LARGE1: variants seen among roughly 807,000 people sequenced by gnomAD.
LARGE1 encodes xylosyl- and glucuronyltransferase LARGE1.
LARGE1 carries 43 observed loss-of-function variants against 87.6 expected under a neutral mutation model. The ratio of observed to expected loss-of-function variants is 0.49; its 90% CI spans 0.38 to 0.63. The LOEUF (loss-of-function observed/expected upper bound fraction) is 0.63. Ranked by LOEUF, LARGE1 falls within the 30% of genes least tolerant of loss-of-function variation. The probability of loss-of-function intolerance (pLI) is 0.00; values close to 1 mark genes in which losing one functional copy is unlikely to be tolerated. For missense variants in LARGE1, 802 were observed against 1,000.2 expected, an observed-to-expected ratio of 0.80 and a Z score of 2.67; for synonymous variants, 434 against 394.6, an observed-to-expected ratio of 1.10 and a Z score of -1.18.
chr22:33,840,739 C>T (rs377234186), intron 1 of LARGE1, among the ~76,000 whole-genome samples: 7 of 152,062 alleles, frequency 4.6e-5, no homozygotes, highest in African/African-American at 9.6e-5. Context: ...GGCGTGATCA[C>T]GGCTCACTGC....
the LARGE1 span, among the ~76,000 whole-genome samples, chr22:33,074,522 A>G: frequency 6.6e-6 from 1 of 152,008 alleles, no homozygotes; most frequent in Non-Finnish European, 1.5e-5. Context: ...TAAAAATACA[A>G]AAATTAGCCA....
At chr22:33,626,114 C>T (rs1465040657) in intron 4 of LARGE1, 130 bp downstream of exon 4, 1 of 777,440 alleles carries the variant, frequency 1.3e-6, no homozygotes, top group Admixed American at 2.0e-5. Context: ...GGGTTTCAGA[C>T]AAAAATTACA....
Position 33,751,452 on chromosome 22 carries a change from T to C in LARGE1, c.106+9919A>G, listed in dbSNP as rs370830081. On this transcript the variant is annotated intron_variant, in intron 2 of 14. Transcript: ENST00000397394. ...GTGAGCAAAGATTGTGCCACTGCGC[T>C]CCAGCCTGGGAGACAGATTGAGACT... 4.7e-5 allele frequency among the ~76,000 whole-genome samples: 7 copies of C among 149,702 alleles called. No homozygotes were observed. The East Asian group carries it at 9.9e-4, about 21-fold the overall frequency.
chr22:33,202,147 C>T lies in LARGE1; in HGVS notation c.1731-35315G>A, dbSNP rs151319821. 3.4e-3 allele frequency among the ~76,000 whole-genome samples: 510 copies of T among 151,576 alleles called. 10 individuals carry two copies. Among genetic ancestry groups the T allele is most frequent in the Admixed American group, 0.031 (472 of 15,218 alleles). On this transcript the variant is annotated intron_variant, in intron 11 of 11. Coordinates refer to the LARGE1 transcript ENST00000608642. ...TCATTCTGGCTGCTGTGCTGAGAAA[C>T]GTAACAATTGTTATTATATTAAGAG...
chr22:33,856,217 C>T (rs2063751143), intron 1 of LARGE1, among the ~76,000 whole-genome samples: 1 of 152,180 alleles, frequency 6.6e-6, no homozygotes, highest in Non-Finnish European at 1.5e-5. Context: ...TGTGGCCATA[C>T]CCGGACCAGT....
intron 3 of LARGE1, among the ~76,000 whole-genome samples, chr22:33,634,188 A>T (rs189509256): frequency 3.2e-4 from 48 of 152,332 alleles, no homozygotes; most frequent in Admixed American, 9.1e-4. Context: ...TGGGGGACAT[A>T]ATCTTAAAGT....
At chr22:33,447,939 G>A (rs557050925) in intron 6 of LARGE1, among the ~76,000 whole-genome samples, 162 of 152,284 alleles carry the variant, frequency 1.1e-3, no homozygotes, top group African/African-American at 3.6e-3. Context: ...CCACCTGGAT[G>A]AACCTTGGAA....
chr22:33,350,387 C>T (rs143358629), intron 9 of LARGE1, among the ~76,000 whole-genome samples: 69 of 152,292 alleles, frequency 4.5e-4, no homozygotes, highest in African/African-American at 1.3e-3. Context: ...ATAACCAGCC[C>T]GTATTCTTCC....
chr22:33,427,144 G>A (rs1601799440), intron 7 of LARGE1, among the ~76,000 whole-genome samples: 1 of 152,206 alleles, frequency 6.6e-6, no homozygotes, highest in African/African-American at 2.4e-5. Context: ...TGTTTTCTAA[G>A]TCCTGCTCAC....
chr22:33,866,373 A>T (rs2064104026), intron 1 of LARGE1, among the ~76,000 whole-genome samples: 1 of 152,220 alleles, frequency 6.6e-6, no homozygotes, highest in Non-Finnish European at 1.5e-5. Context: ...TTAAAAATTC[A>T]GTTCCTCAGT....
rs1032570112 is a variant in LARGE1, at chr22:33,694,827, T to A, written c.107-44159A>T. Reference sequence around the variant, plus strand: ...TGAACCTTATCTAAAAGATGACTAGTGGTCGTGTTTGCATGCCAGCACTGA... The same window carrying A: ...TGAACCTTATCTAAAAGATGACTAGAGGTCGTGTTTGCATGCCAGCACTGA... On this transcript the variant is annotated intron_variant, in intron 2 of 14. Transcript: ENST00000397394. Among the ~76,000 whole-genome samples the A allele has an allele frequency of 2.6e-5, 4 of 152,312 alleles. No homozygotes were observed. The South Asian group carries it at 8.3e-4, about 32-fold the overall frequency.
rs551814826 is a variant in LARGE1, at chr22:33,510,921, T to C, written c.787+53927A>G. ...TTTTGGTTCTGAAGTCCGTGCTACATGCCCCAGGCTCTCCAATGACTGGCA... is the reference window on the plus strand; with the variant it reads ...TTTTGGTTCTGAAGTCCGTGCTACACGCCCCAGGCTCTCCAATGACTGGCA... On this transcript the variant is annotated intron_variant, in intron 6 of 14. Coordinates refer to ENST00000397394, the MANE Select transcript of LARGE1 (RefSeq NM_133642.5). 3.9e-5 allele frequency among the ~76,000 whole-genome samples: 6 copies of C among 152,334 alleles called. No homozygotes were observed. In the East Asian group the frequency reaches 9.6e-4, roughly 24 times the overall value.
At chr22:33,828,439 G>C (rs529152209) in intron 1 of LARGE1, among the ~76,000 whole-genome samples, 2 of 152,334 alleles carry the variant, frequency 1.3e-5, no homozygotes, top group African/African-American at 4.8e-5. Flanking sequence ...ATAGAAGAAA[G>C]GTGCTTAGAT....
At chr22:33,584,912 T>C (rs2078625833) in intron 5 of LARGE1, among the ~76,000 whole-genome samples, 1 of 151,764 alleles carries the variant, frequency 6.6e-6, no homozygotes, top group African/African-American at 2.4e-5. Context: ...AGGTCGGGAG[T>C]TTGAGACCAG....
chr22:33,541,204 A>AG (rs1016191779), intron 6 of LARGE1, among the ~76,000 whole-genome samples: 9 of 150,162 alleles, frequency 6.0e-5, no homozygotes, highest in African/African-American at 2.2e-4. Context: ...AAAAAAAGAA[A>AG]AAAAAAAAAA....
chr22:33,152,863 T>A, the LARGE1 span, among the ~76,000 whole-genome samples: 2 of 152,166 alleles, frequency 1.3e-5, no homozygotes, highest in Non-Finnish European at 2.9e-5. Context: ...GTTTTTTATT[T>A]TGTTATTATT....
intron 9 of LARGE1, among the ~76,000 whole-genome samples, chr22:33,342,466 G>A (rs913908073): frequency 5.9e-5 from 9 of 152,192 alleles, no homozygotes; most frequent in African/African-American, 2.2e-4. Flanking sequence ...TGACTTGCCT[G>A]TATCTCACAG....
intron 9 of LARGE1, among the ~76,000 whole-genome samples, chr22:33,347,039 GCT>G (rs1939845661): frequency 6.6e-6 from 1 of 152,180 alleles, no homozygotes; most frequent in Non-Finnish European, 1.5e-5. Flanking sequence ...TCAACACATT[GCT>G]CTCCTATGAG....
intron 1 of LARGE1, among the ~76,000 whole-genome samples, chr22:33,905,287 T>G (rs905252369): frequency 6.6e-6 from 1 of 152,016 alleles, no homozygotes; most frequent in African/African-American, 2.4e-5. Flanking sequence ...AGGGCTGGTC[T>G]CGAACTCTTA....
Sources: allele counts gnomAD v4.1 joint callset (sites outside exome capture counted in the v4.1 genomes callset), GRCh38; gene constraint gnomAD v4.1.1; transcripts MANE v1.5; gene names NCBI Gene and HGNC (gene_info 2026-07-23, HGNC 2026-07-21).